The following LIMCH1 variants were observed in gnomAD, a reference collection of about 807,000 sequenced individuals.
The protein encoded by LIMCH1 is LIM and calponin homology domains 1.
LIMCH1 carries 113 observed loss-of-function variants against 176.5 expected under a neutral mutation model. The observed-to-expected ratio is 0.64, with a 90% confidence interval of 0.55 to 0.75. The LOEUF (loss-of-function observed/expected upper bound fraction) is 0.75, where lower values mean the gene tolerates loss of function less well. Ranked by LOEUF, LIMCH1 falls within the 30% of genes least tolerant of loss-of-function variation. The probability of loss-of-function intolerance (pLI) is 0.00; values close to 1 mark genes in which losing one functional copy is unlikely to be tolerated. For missense variants in LIMCH1, 1,674 were observed against 1,814.9 expected (o/e 0.92, Z 1.41); for synonymous variants, 619 against 645.9 (o/e 0.96, Z 0.63).
At chr4:41,580,389 T>TA (rs2085220416) in intron 1 of LIMCH1, among the ~76,000 whole-genome samples, 1 of 152,128 alleles carries the variant, frequency 6.6e-6, no homozygotes. Context: ...TTAAAAAATT[T>TA]TACCCACTTG....
At chr4:41,535,162 CA>C (rs61639965), upstream of LIMCH1, among the ~76,000 whole-genome samples, 17,600 of 84,390 alleles carry the variant, frequency 0.21, 694 homozygotes, top group Middle Eastern at 0.3. Context: ...GACCCTGTCA[CA>C]AAAAAAAAAA....
At position 41,524,555 on chromosome 4, in the gene LIMCH1, A is replaced by T. The variant is rs571912880; in HGVS notation, c.237+77A>T. 7.7e-6 allele frequency: 8 copies of T among 1,032,560 alleles called. No individual in the cohort carries two copies. The African/African-American group carries it at 1.1e-4, about 14-fold the overall frequency. The allele number at this position is 1,032,560 out of a possible 1,614,324, so 64.0% of individuals were successfully genotyped here. On this transcript the variant is annotated intron_variant, in intron 3 of 26. Coordinates refer to the LIMCH1 transcript ENST00000313860. ...AGGGGTCATGACAGCACCATTTATT[A>T]CAGTTCTCTCCTGCAATATATATTC...
At chr4:41,396,112 A>G (rs1429682025) in intron 1 of LIMCH1, among the ~76,000 whole-genome samples, 1 of 152,076 alleles carries the variant, frequency 6.6e-6, no homozygotes, top group African/African-American at 2.4e-5. Flanking sequence ...CAGAAGTCAG[A>G]GTGTTTGTGG....
At chr4:41,598,813 G>A (rs1287566138) in intron 1 of LIMCH1, 107 bp from the exon 2 acceptor site, 1 of 613,818 alleles carries the variant, frequency 1.6e-6, no homozygotes, top group Non-Finnish European at 2.9e-6. Flanking sequence ...ATTTAGACCT[G>A]ACCATAGCTG....
intron 1 of LIMCH1, among the ~76,000 whole-genome samples, chr4:41,466,726 A>G (rs1387885162): frequency 6.6e-6 from 1 of 151,532 alleles, no homozygotes; most frequent in Non-Finnish European, 1.5e-5. Flanking sequence ...TTACTATTAA[A>G]TTCCTTCATT....
intron 1 of LIMCH1, among the ~76,000 whole-genome samples, chr4:41,588,046 A>G (rs1011496521): frequency 2.6e-5 from 4 of 152,034 alleles, no homozygotes; most frequent in African/African-American, 7.3e-5. Flanking sequence ...TAACTCGTCA[A>G]TTAGCATTAG....
At position 41,657,513 on chromosome 4, in the gene LIMCH1, C is replaced by T. The variant is rs139595844; in HGVS notation, c.3037-3907C>T. On this transcript the variant is annotated intron_variant, in intron 18 of 31. Transcript: ENST00000503057. ...GAATACAGAAAACTGGAGAAAACAT[C>T]GACTACCTATTACTCAGCCACTCTG... 9.5e-3 allele frequency among the ~76,000 whole-genome samples: 1,452 copies of T among 152,264 alleles called. 9 individuals carry two copies. The highest frequency in any genetic ancestry group is 0.023 in the East Asian group (119 of 5,174).
intron 1 of LIMCH1, among the ~76,000 whole-genome samples, chr4:41,597,065 T>C (rs940450492): frequency 6.6e-6 from 1 of 151,762 alleles, no homozygotes; most frequent in Non-Finnish European, 1.5e-5. Context: ...TAGATCTGGG[T>C]TTTCACTTCT....
intron 2 of LIMCH1, among the ~76,000 whole-genome samples, chr4:41,511,326 A>G (rs1474463623): frequency 2.0e-5 from 3 of 151,972 alleles, no homozygotes; most frequent in Non-Finnish European, 2.9e-5. Flanking sequence ...TTAAATCCCA[A>G]ACAAACGCAA....
chr4:41,542,506 AG>A (rs1304255830), intron 1 of LIMCH1, among the ~76,000 whole-genome samples: 1 of 152,208 alleles, frequency 6.6e-6, no homozygotes, highest in Non-Finnish European at 1.5e-5. Flanking sequence ...TAGGAAGAAG[AG>A]AAAAATGCAT....
At chr4:41,534,379 A>G (rs1440283649), upstream of LIMCH1, among the ~76,000 whole-genome samples, 1 of 152,358 alleles carries the variant, frequency 6.6e-6, no homozygotes, top group South Asian at 2.1e-4. Flanking sequence ...AAAGGTGTAC[A>G]TCTTAGAACT....
chr4:41,619,367 A>C lies in LIMCH1; in HGVS notation c.385A>C (p.Lys129Gln). 1 of 1,614,136 alleles carries C rather than the reference A, an allele frequency of 6.2e-7. No homozygotes were observed. The highest frequency in any genetic ancestry group is 8.5e-7 in the Non-Finnish European group (1 of 1,180,038). ...AYVPAPLRKK[K>Q]AEREEYRKSW... Reference sequence around the variant, plus strand: ...CGTCCCCGCGCCTCTGAGAAAGAAGAAAGCAGAGAGAGAGGAATACCGCAA... The same window carrying C: ...CGTCCCCGCGCCTCTGAGAAAGAAGCAAGCAGAGAGAGAGGAATACCGCAA... Residue 129 changes from lysine to glutamine, a missense_variant, in exon 6 of 32, where the codon AAA (lysine) becomes CAA (glutamine). Physicochemically the swap from Lys to Gln is moderately conservative, Grantham distance 53. This residue lies in a region of LIMCH1 where 655 missense variants were observed against 692.2 expected (regional missense o/e 0.95). Transcript: ENST00000503057.
intron 1 of LIMCH1, among the ~76,000 whole-genome samples, chr4:41,368,395 T>C (rs571577029): frequency 5.3e-5 from 8 of 152,314 alleles, no homozygotes; most frequent in African/African-American, 1.9e-4. Flanking sequence ...TCATGAAATA[T>C]ACAATGTGGC....
intron 1 of LIMCH1, among the ~76,000 whole-genome samples, chr4:41,596,276 T>TTTTTTTTTTTTTTGAGA (rs1561867118): frequency 6.6e-6 from 1 of 151,506 alleles, no homozygotes; most frequent in African/African-American, 2.5e-5. Context: ...ATGTACTTCT[T>TTTTTTTTTTTTTTGAGA]CCACTGGCAA....
rs546840801 is a variant in LIMCH1 at position 41,670,405 on chromosome 4, C to A, written c.3398-1149C>A. ...GCAATACAAATTATACATTTTTGTT[C>A]TTGCATAGTATATCATTCTATCATT... is the stretch of plus-strand genomic sequence containing the variant. On this transcript the variant is annotated intron_variant, in intron 21 of 31. Coordinates refer to ENST00000503057, the MANE Select transcript of LIMCH1 (RefSeq NM_001330672.2). 3.0e-4 allele frequency among the ~76,000 whole-genome samples: 46 copies of A among 152,222 alleles called. 1 individual carries two copies. Among genetic ancestry groups the A allele is most frequent in the African/African-American group, 1.1e-3 (45 of 41,538 alleles).
intron 6 of LIMCH1, chr4:41,619,712 C>T: frequency 4.1e-6 from 2 of 485,668 alleles, no homozygotes; most frequent in South Asian, 5.7e-5. Context: ...GTTGATAGGA[C>T]ATTGAGAGCA....
intron 1 of LIMCH1, among the ~76,000 whole-genome samples, chr4:41,446,166 G>T (rs2063268692): frequency 6.6e-6 from 1 of 152,118 alleles, no homozygotes; most frequent in Non-Finnish European, 1.5e-5. Context: ...TTGGAACATC[G>T]TGGGGAGAAA....
chr4:41,506,430 G>A (rs1042201264), intron 2 of LIMCH1, among the ~76,000 whole-genome samples: 15 of 152,122 alleles, frequency 9.9e-5, no homozygotes, highest in South Asian at 2.1e-4. Flanking sequence ...GGAATTGTTG[G>A]CTATCGACCA....
intron 1 of LIMCH1, among the ~76,000 whole-genome samples, chr4:41,547,863 G>GTGTGTA (rs774873739): frequency 3.2e-5 from 3 of 93,224 alleles, no homozygotes; most frequent in African/African-American, 1.3e-4. Context: ...TTGTGTGTGT[G>GTGTGTA]TATATATATA....
Sources: allele counts gnomAD v4.1 joint callset (sites outside exome capture counted in the v4.1 genomes callset), GRCh38; gene constraint gnomAD v4.1.1; regional missense constraint gnomAD v4.1.1; transcripts MANE v1.5; gene names NCBI Gene and HGNC (gene_info 2026-07-23, HGNC 2026-07-21).